CREB5: variants seen among roughly 807,000 people sequenced by gnomAD.
The protein encoded by CREB5 is cyclic AMP-responsive element-binding protein 5.
In CREB5, 19 loss-of-function variants were observed where a neutral mutation model predicts 57.1. That is an observed-to-expected ratio of 0.33 (90% CI 0.23 to 0.49). The LOEUF (loss-of-function observed/expected upper bound fraction) is 0.49, where lower values mean the gene tolerates loss of function less well. Among genes scored for constraint, CREB5 ranks in the 20% least tolerant of loss-of-function variants. CREB5 has a pLI of 0.99. For missense variants in CREB5, 579 were observed against 671.6 expected (o/e 0.86, Z 1.52); for synonymous variants, 238 against 238.3 (o/e 1.00, Z 0.01).
At chr7:28,599,496 T>A (rs1177797999) in intron 5 of CREB5, among the ~76,000 whole-genome samples, 1 of 152,154 alleles carries the variant, frequency 6.6e-6, no homozygotes, top group Non-Finnish European at 1.5e-5. Flanking sequence ...TGGGACTGTA[T>A]GGGGGTGGAG....
At chr7:28,689,784 C>T (rs184821373) in intron 5 of CREB5, among the ~76,000 whole-genome samples, 4 of 152,070 alleles carry the variant, frequency 2.6e-5, no homozygotes, top group African/African-American at 4.8e-5. Context: ...CTGCTCCTTG[C>T]GAGCAACTGA....
chr7:28,324,000 G>A (rs930596933), intron 1 of CREB5, among the ~76,000 whole-genome samples: 16 of 152,104 alleles, frequency 1.1e-4, no homozygotes, highest in Admixed American at 7.2e-4. Context: ...TCCAATGCCC[G>A]TGCTGATCTG....
At chr7:28,689,796 G>A (rs1170059197) in intron 5 of CREB5, among the ~76,000 whole-genome samples, 2 of 152,130 alleles carry the variant, frequency 1.3e-5, no homozygotes, top group African/African-American at 4.8e-5. Context: ...AGCAACTGAA[G>A]CACAAAAGCC....
At chr7:28,751,664 C>T (rs1467446852) in intron 7 of CREB5, among the ~76,000 whole-genome samples, 3 of 152,126 alleles carry the variant, frequency 2.0e-5, no homozygotes, top group Non-Finnish European at 2.9e-5. Context: ...TACAGAGTTC[C>T]GATACACACC....
At chr7:28,411,561 T>TG (rs1176922491), upstream of CREB5, among the ~76,000 whole-genome samples, 20 of 3,870 alleles carry the variant, frequency 5.2e-3, no homozygotes, top group East Asian at 0.045. Flanking sequence ...GTGTGGGGGG[T>TG]GGGGGGGTGG....
At chr7:28,319,576 T>C (rs1335149867) in intron 1 of CREB5, among the ~76,000 whole-genome samples, 1 of 152,124 alleles carries the variant, frequency 6.6e-6, no homozygotes, top group Non-Finnish European at 1.5e-5. Context: ...CCTTTCGGTG[T>C]TCATCTGGAG....
At chr7:28,301,251 A>G (rs1207219413) in intron 1 of CREB5, among the ~76,000 whole-genome samples, 1 of 152,158 alleles carries the variant, frequency 6.6e-6, no homozygotes, top group Non-Finnish European at 1.5e-5. Context: ...AGGGATTTTC[A>G]TGCGTTTCAA....
intron 1 of CREB5, among the ~76,000 whole-genome samples, chr7:28,459,262 C>G (rs1790247660): frequency 6.6e-6 from 1 of 152,190 alleles, no homozygotes; most frequent in African/African-American, 2.4e-5. Context: ...CTGTCTCAGC[C>G]TTTGTCCAGT....
intron 4 of CREB5, among the ~76,000 whole-genome samples, chr7:28,509,075 T>C (rs1439191496): frequency 6.6e-6 from 1 of 152,234 alleles, no homozygotes; most frequent in Non-Finnish European, 1.5e-5. Flanking sequence ...AATAAATTTT[T>C]TTTTTGATAG....
chr7:28,562,929 C>G (rs1229577336), intron 4 of CREB5, among the ~76,000 whole-genome samples: 1 of 152,208 alleles, frequency 6.6e-6, no homozygotes, highest in East Asian at 1.9e-4. Flanking sequence ...TACCACAAGA[C>G]TTAGAAGCAG....
chr7:28,700,411 C>A (rs969223403), intron 5 of CREB5, among the ~76,000 whole-genome samples: 1 of 152,154 alleles, frequency 6.6e-6, no homozygotes, highest in Non-Finnish European at 1.5e-5. Flanking sequence ...TATTTGCCTT[C>A]ATAAATGATG....
chr7:28,785,186 C>T (rs773823638), intron 7 of CREB5, among the ~76,000 whole-genome samples: 3 of 152,170 alleles, frequency 2.0e-5, no homozygotes, highest in Non-Finnish European at 4.4e-5. Flanking sequence ...TCTGTGTCAA[C>T]TCACTCTGTG....
At chr7:28,507,942 T>C (rs1482106601) in intron 4 of CREB5, among the ~76,000 whole-genome samples, 3 of 152,224 alleles carry the variant, frequency 2.0e-5, no homozygotes, top group African/African-American at 7.2e-5. Flanking sequence ...TAGTCAAACT[T>C]ACAGATTTTT....
chr7:28,481,038 T>C (rs1015150916), intron 1 of CREB5, among the ~76,000 whole-genome samples: 1 of 152,224 alleles, frequency 6.6e-6, no homozygotes, highest in Non-Finnish European at 1.5e-5. Context: ...TGTTTTCCTA[T>C]ACACAGCATA....
chr7:28,323,161 C>T (rs188407065), intron 1 of CREB5, among the ~76,000 whole-genome samples: 2 of 152,180 alleles, frequency 1.3e-5, no homozygotes, highest in Non-Finnish European at 1.5e-5. Context: ...CTCCCCTCAC[C>T]GAACTTGGCT....
intron 2 of CREB5, among the ~76,000 whole-genome samples, chr7:28,493,805 A>C (rs147466405): frequency 7.6e-4 from 116 of 152,346 alleles, no homozygotes; most frequent in Middle Eastern, 6.8e-3. Context: ...CTGAAAATTA[A>C]AAATAAGCAT....
chr7:28,528,476 G>A (rs568464719), intron 4 of CREB5, among the ~76,000 whole-genome samples: 5 of 152,214 alleles, frequency 3.3e-5, no homozygotes, highest in African/African-American at 9.6e-5. Context: ...AGGCTGAGGC[G>A]GGAGGATCAG....
intron 5 of CREB5, chr7:28,686,269 T>C (rs1269221636): frequency 1.7e-6 from 2 of 1,165,912 alleles, no homozygotes; most frequent in East Asian, 4.7e-5. Flanking sequence ...CTTCTGTTTT[T>C]GAGCCTTCGT....
intron 1 of CREB5, among the ~76,000 whole-genome samples, chr7:28,419,925 T>G (rs1415434934): frequency 6.6e-6 from 1 of 152,250 alleles, no homozygotes; most frequent in Non-Finnish European, 1.5e-5. Flanking sequence ...TTGTGCTGTG[T>G]TGACGTCATC....
Sources: gnomAD v4.1 joint callset for allele counts (sites outside exome capture counted in the v4.1 genomes callset) on GRCh38, gnomAD v4.1.1 for gene constraint, MANE v1.5 for transcripts, NCBI Gene and HGNC (gene_info 2026-07-23, HGNC 2026-07-21) for gene names.